TRMT61A: variants seen among roughly 807,000 people sequenced by gnomAD.
TRMT61A encodes tRNA methyltransferase 61A.
Under a neutral mutation model 21.3 loss-of-function variants are expected in TRMT61A, and 15 were observed. The observed-to-expected ratio is 0.70, with a 90% CI of 0.47 to 1.08. TRMT61A has a LOEUF of 1.08. TRMT61A is among the 50% of genes least tolerant of loss of function. The probability of loss-of-function intolerance (pLI) is 0.00; values close to 1 mark genes in which losing one functional copy is unlikely to be tolerated. For missense variants in TRMT61A, 352 were observed against 426.7 expected, an observed-to-expected ratio of 0.83 and a Z score of 1.54; for synonymous variants, 183 against 185.5, an observed-to-expected ratio of 0.99 and a Z score of 0.11.
rs2142238197 is a variant in TRMT61A, at chr14:103,530,193, C to T, written c.215C>T (p.Thr72Met). The T allele has an allele frequency of 1.2e-6, 2 of 1,612,412 alleles. No homozygotes were observed. The highest frequency in any genetic ancestry group is 8.5e-7 in the Non-Finnish European group (1 of 1,179,628). The change falls in exon 2 of 4, where the codon ACG becomes ATG. Residue 72 changes from threonine to methionine, a missense_variant. Coordinates refer to ENST00000389749, the MANE Select transcript of TRMT61A (RefSeq NM_152307.3). ...RGGWVYVLHP[T>M]PELWTLNLPH... ...GGCTGGGTGTATGTGCTGCACCCCA[C>T]GCCCGAGCTCTGGACGCTGAACCTG...
intron 3 of TRMT61A, among the ~76,000 whole-genome samples, chr14:103,533,075 T>TC (rs2075960320): frequency 6.6e-6 from 1 of 152,170 alleles, no homozygotes; most frequent in African/African-American, 2.4e-5. Flanking sequence ...CTCTGGCCTC[T>TC]CCCAACCCCC....
At chr14:103,530,531 A>T (rs912007335) in intron 2 of TRMT61A, among the ~76,000 whole-genome samples, 2 of 152,116 alleles carry the variant, frequency 1.3e-5, no homozygotes, top group Admixed American at 6.5e-5. Context: ...GACCAGGAGG[A>T]GCTGGGGAGG....
In TRMT61A at chr14:103,534,796, C is replaced by T; in HGVS notation, c.845C>T (p.Thr282Ile). Reference protein sequence around the residue: ...KEAVGHTGYLTFATKTPG With the variant: ...KEAVGHTGYLIFATKTPG ...GCCGTGGGCCACACCGGCTACCTGACCTTCGCCACCAAGACCCCAGGCTAG... is the reference window on the plus strand; with the variant it reads ...GCCGTGGGCCACACCGGCTACCTGATCTTCGCCACCAAGACCCCAGGCTAG... Residue 282 changes from threonine to isoleucine, a missense_variant, in exon 4 of 4, where the codon ACC becomes ATC. Thr to Ile is a moderately conservative substitution (Grantham distance 89, BLOSUM62 -1). Coordinates refer to ENST00000389749, the MANE Select transcript of TRMT61A (RefSeq NM_152307.3). 6.4e-7 allele frequency: 1 copy of T among 1,556,364 alleles called. No homozygotes were observed. Among genetic ancestry groups the T allele is most frequent in the Non-Finnish European group, 8.7e-7 (1 of 1,153,822 alleles).
At chr14:103,532,480 C>T (rs1261035019) in intron 2 of TRMT61A, 102 bp from the exon 3 acceptor site, 25 of 1,437,132 alleles carry the variant, frequency 1.7e-5, no homozygotes, top group Non-Finnish European at 2.3e-5. Flanking sequence ...CCTCCCAAGC[C>T]CTGTGTGGGT....
At position 103,536,877 on chromosome 14, in the gene TRMT61A, C is replaced by A. The variant is rs552978548; in HGVS notation, c.*2056C>A. Reference sequence around the variant, plus strand: ...GGTCCCAGCCCACCCTTAGTTGTCACATGGGACAGAGTTGCTGTGTCAATC... The same window carrying A: ...GGTCCCAGCCCACCCTTAGTTGTCAAATGGGACAGAGTTGCTGTGTCAATC... On this transcript the variant is annotated 3_prime_UTR_variant, in exon 4 of 4. Coordinates refer to ENST00000389749, the MANE Select transcript of TRMT61A (RefSeq NM_152307.3). 15 of 152,294 alleles carry A rather than the reference C, an allele frequency of 9.8e-5. No individual in the cohort carries two copies. Among genetic ancestry groups the A allele is most frequent in the African/African-American group, 3.4e-4 (14 of 41,544 alleles). 9.4% of individuals were successfully genotyped at this position (152,294 alleles called of 1,614,324 possible). A position where few individuals can be genotyped will look rare whatever the true frequency, so the allele number is the denominator to read the frequency against.
intron 3 of TRMT61A, 63 bp downstream of exon 3, chr14:103,532,911 A>T: frequency 6.7e-7 from 1 of 1,486,012 alleles, no homozygotes; most frequent in Non-Finnish European, 9.0e-7. Context: ...TGCAGGACTG[A>T]GCTCCTGGGA....
At chr14:103,532,334 C>T (rs1031611340) in intron 2 of TRMT61A, among the ~76,000 whole-genome samples, 3 of 152,164 alleles carry the variant, frequency 2.0e-5, no homozygotes, top group African/African-American at 7.2e-5. Flanking sequence ...CCTGTGCCCA[C>T]AACAGACAGC....
At chr14:103,530,465 A>G (rs2075950392) in intron 2 of TRMT61A, among the ~76,000 whole-genome samples, 156 bp downstream of exon 2, 1 of 152,224 alleles carries the variant, frequency 6.6e-6, no homozygotes, top group South Asian at 2.1e-4. Context: ...AGGTGGAGGC[A>G]GAGAAGCCCG....
rs143965688 is a variant in TRMT61A at position 103,534,695 on chromosome 14, C to T, written c.744C>T (p.Pro248=). The change falls in exon 4 of 4, where the codon CCC becomes CCT. Residue 248 remains proline, a synonymous_variant. Coordinates refer to ENST00000389749, the MANE Select transcript of TRMT61A (RefSeq NM_152307.3). ...TGCGCACTGTCAGCCTGCCACCGCC[C>T]GACCTGGGCACAGGCACAGATGGCC... The part of the protein sequence containing the change: ...YNVRTVSLPP[P]DLGTGTDGPA... The T allele has an allele frequency of 6.7e-4, 1,075 of 1,608,438 alleles. 16 individuals are homozygous for T. The East Asian group carries it at 0.019, about 28-fold the overall frequency.
Position 103,535,898 on chromosome 14 carries a change from C to G in TRMT61A, c.*1077C>G, listed in dbSNP as rs1195014773. ...AGCCATGGGGCCCTTGGAGCTGCCG[C>G]TGGTGCCTAGGGGGCCTGGGTTTCT... On this transcript the variant is annotated 3_prime_UTR_variant, in exon 4 of 4. Coordinates refer to ENST00000389749, the MANE Select transcript of TRMT61A (RefSeq NM_152307.3). The G allele has an allele frequency of 6.5e-6, 1 of 153,152 alleles. No homozygotes were observed. The highest frequency in any genetic ancestry group is 2.4e-5 in the African/African-American group (1 of 41,462). The allele number at this position is 153,152 out of a possible 1,614,324, so 9.5% of individuals were successfully genotyped here. A position where few individuals can be genotyped will look rare whatever the true frequency, so the allele number is the denominator to read the frequency against.
chr14:103,535,465 C>T lies in TRMT61A; in HGVS notation c.*644C>T, dbSNP rs1174734203. 1.5e-5 allele frequency: 6 copies of T among 397,572 alleles called. No homozygotes were observed. The highest frequency in any genetic ancestry group is 5.4e-5 in the South Asian group (3 of 55,390). 24.6% of individuals were successfully genotyped at this position (397,572 alleles called of 1,614,324 possible). A position where few individuals can be genotyped will look rare whatever the true frequency, so the allele number is the denominator to read the frequency against. ...CCTTCGTCCACTCATGTCCAAGAGG[C>T]GGGGCATCCCCCACCCAGCCAGAGC... On this transcript the variant is annotated 3_prime_UTR_variant, in exon 4 of 4. Transcript: ENST00000389749.
chr14:103,535,688 C>T lies in TRMT61A; in HGVS notation c.*867C>T, dbSNP rs554096672. 36 of 282,020 alleles carry T rather than the reference C, an allele frequency of 1.3e-4. No homozygotes were observed. The East Asian group carries it at 2.7e-3, about 21-fold the overall frequency. 17.5% of individuals were successfully genotyped at this position (282,020 alleles called of 1,614,324 possible). A position where few individuals can be genotyped will look rare whatever the true frequency, so the allele number is the denominator to read the frequency against. On this transcript the variant is annotated 3_prime_UTR_variant, in exon 4 of 4. Coordinates refer to ENST00000389749, the MANE Select transcript of TRMT61A (RefSeq NM_152307.3). ...GGAGGAGGTCCCTCCACAGTGACAACGGTGTGGGGTAGGGGAGGTGCATTC... is the reference window on the plus strand; with the variant it reads ...GGAGGAGGTCCCTCCACAGTGACAATGGTGTGGGGTAGGGGAGGTGCATTC...
At position 103,531,457 on chromosome 14, in the gene TRMT61A, G is replaced by A. The variant is rs1035577127; in HGVS notation, c.332-1125G>A. Among the ~76,000 whole-genome samples the A allele has an allele frequency of 6.6e-6, 1 of 152,114 alleles. No homozygotes were observed. The highest frequency in any genetic ancestry group is 2.4e-5 in the African/African-American group (1 of 41,358). On this transcript the variant is annotated intron_variant, in intron 2 of 3. Coordinates refer to ENST00000389749, the MANE Select transcript of TRMT61A (RefSeq NM_152307.3). This position sits in a 1 kb window ranked among gnomAD's most constrained non-coding sequence, Gnocchi z 5.1. ...GGCCCTGCAGTTGGAGCATGCTGCC[G>A]AGTCAGGCTCAGTGGGGGAGGCAGA...
rs368016733 is a variant in TRMT61A, at chr14:103,530,310, G to C, written c.331+1G>C. 6.3e-5 allele frequency: 100 copies of C among 1,579,382 alleles called. No homozygotes were observed. The highest frequency in any genetic ancestry group is 8.2e-5 in the Non-Finnish European group (95 of 1,154,378). ...CCCGGCTCTGTGGTCTGTGAGTCTG[G>C]TGAGTTCCTCAGGCTGCCTCAGTTT... On this transcript the variant is annotated splice_donor_variant, in intron 2 of 3. Coordinates refer to ENST00000389749, the MANE Select transcript of TRMT61A (RefSeq NM_152307.3). LOFTEE classifies it high-confidence loss of function.
Position 103,531,057 on chromosome 14 carries a change from C to T in TRMT61A, c.331+748C>T, listed in dbSNP as rs935204000. Among the ~76,000 whole-genome samples, 1 of 152,212 alleles carries T rather than the reference C, an allele frequency of 6.6e-6. No homozygotes were observed. Among genetic ancestry groups the T allele is most frequent in the African/African-American group, 2.4e-5 (1 of 41,454 alleles). On this transcript the variant is annotated intron_variant, in intron 2 of 3. Coordinates refer to ENST00000389749, the MANE Select transcript of TRMT61A (RefSeq NM_152307.3). This position sits in a 1 kb window ranked among gnomAD's most constrained non-coding sequence, Gnocchi z 5.1. ...AGGACTTAGCCAACTCCATCAGCTG[C>T]TGCTCCTGTGCATCCTGTGGTGGGT...
intron 3 of TRMT61A, among the ~76,000 whole-genome samples, chr14:103,533,066 T>C (rs1296661633): frequency 6.6e-6 from 1 of 152,204 alleles, no homozygotes; most frequent in East Asian, 1.9e-4. Context: ...GCTCCTGGTC[T>C]CTGGCCTCTC....
rs925177850 is a variant in TRMT61A at position 103,534,450 on chromosome 14, C to T, written c.599-100C>T. ...CAGTCTGTGTTGGGGCTGTCTTAGG[C>T]TGGCCTCAGACCCTAGGGTGGGAGT... On this transcript the variant is annotated intron_variant, in intron 3 of 3. Coordinates refer to ENST00000389749, the MANE Select transcript of TRMT61A (RefSeq NM_152307.3). 6 of 1,403,702 alleles carry T rather than the reference C, an allele frequency of 4.3e-6. No homozygotes were observed. In the African/African-American group the frequency reaches 6.4e-5, roughly 15 times the overall value. The allele number at this position is 1,403,702 out of a possible 1,614,324, so 87.0% of individuals were successfully genotyped here. A position where few individuals can be genotyped will look rare whatever the true frequency, so the allele number is the denominator to read the frequency against.
Position 103,532,843 on chromosome 14 carries a change from T to A in TRMT61A, c.593T>A (p.Val198Asp). 6.5e-7 allele frequency: 1 copy of A among 1,548,478 alleles called. No homozygotes were observed. The highest frequency in any genetic ancestry group is 8.7e-7 in the Non-Finnish European group (1 of 1,144,492). Residue 198 changes from valine to aspartate, a missense_variant, in exon 3 of 4, where the codon GTC becomes GAC. Coordinates refer to ENST00000389749, the MANE Select transcript of TRMT61A (RefSeq NM_152307.3). ...AVGHAWDALK[V>D]EGGRFCSFSP... Reference sequence around the variant, plus strand: ...GGCCACGCCTGGGACGCCCTCAAGGTCGAAGGTGCATCCGGGGTTCCGGGA... The same window carrying A: ...GGCCACGCCTGGGACGCCCTCAAGGACGAAGGTGCATCCGGGGTTCCGGGA...
chr14:103,529,827 G>C, intron 1 of TRMT61A, 123 bp from the exon 2 acceptor site: 1 of 699,124 alleles, frequency 1.4e-6, no homozygotes, highest in Non-Finnish European at 2.3e-6. Context: ...AGAGACTGAG[G>C]CTGAGCTAGC....
Sources: gnomAD v4.1 joint callset for allele counts (sites outside exome capture counted in the v4.1 genomes callset) on GRCh38, gnomAD v4.1.1 for gene constraint, Gnocchi (gnomAD v3.1) non-coding constraint, MANE v1.5 for transcripts, NCBI Gene and HGNC (gene_info 2026-07-23, HGNC 2026-07-21) for gene names.